Variants in NOTCH3 observed in about 807,000 individuals in gnomAD.
NOTCH3 encodes notch receptor 3.
In NOTCH3, 86 loss-of-function variants were observed where a neutral mutation model predicts 213.3. That is an observed-to-expected ratio of 0.40 (90% CI 0.34 to 0.48). NOTCH3 has a LOEUF of 0.48. NOTCH3 is among the 20% of genes least tolerant of loss of function. NOTCH3 has a pLI of 0.57. For missense variants in NOTCH3, 2,783 were observed against 3,272.6 expected, an observed-to-expected ratio of 0.85 and a Z score of 3.65; for synonymous variants, 1,354 against 1,355.9, an observed-to-expected ratio of 1.00 and a Z score of 0.03.
At chr19:15,184,220 A>C in intron 16 of NOTCH3, 75 bp downstream of exon 16, 2 of 1,399,254 alleles carry the variant, frequency 1.4e-6, no homozygotes, top group Non-Finnish European at 1.0e-6. Flanking sequence ...ATGACAGCAC[A>C]GTGCCAGGCA....
At chr19:15,196,353 C>CA (rs2046970757) in intron 2 of NOTCH3, among the ~76,000 whole-genome samples, 1 of 152,120 alleles carries the variant, frequency 6.6e-6, no homozygotes, top group South Asian at 2.1e-4. Context: ...CATCCCGCCC[C>CA]ACCTTCGCAG....
chr19:15,173,873 G>A (rs969350743), intron 25 of NOTCH3, among the ~76,000 whole-genome samples, 195 bp downstream of exon 25: 2 of 152,198 alleles, frequency 1.3e-5, no homozygotes, highest in Non-Finnish European at 2.9e-5. Flanking sequence ...CCACAAGCCA[G>A]CACTAGACCT....
intron 28 of NOTCH3, among the ~76,000 whole-genome samples, 165 bp from the exon 29 acceptor site, chr19:15,167,576 C>T (rs1219751968): frequency 7.0e-6 from 1 of 142,272 alleles, no homozygotes. Flanking sequence ...GTTTTTGAGA[C>T]AGAGTCTCGC....
At chr19:15,187,827 C>A in intron 10 of NOTCH3, 54 bp downstream of exon 10, 1 of 1,407,500 alleles carries the variant, frequency 7.1e-7, no homozygotes, top group South Asian at 1.2e-5. Flanking sequence ...TTGGCCCTGT[C>A]GCCCACAAGC....
intron 10 of NOTCH3, 45 bp downstream of exon 10, chr19:15,187,836 G>T: frequency 6.8e-7 from 1 of 1,468,678 alleles, no homozygotes; most frequent in Non-Finnish European, 9.3e-7. Context: ...TCGCCCACAA[G>T]CCCCGCCTCC....
intron 25 of NOTCH3, among the ~76,000 whole-genome samples, chr19:15,171,397 T>C (rs958176068): frequency 2.6e-5 from 4 of 152,186 alleles, no homozygotes; most frequent in African/African-American, 9.7e-5. Context: ...TCGCCCAGGC[T>C]AGAGCACAGT....
In NOTCH3 at chr19:15,168,396, T is replaced by C. The variant is rs182873863; in HGVS notation, c.5200-985A>G. Among the ~76,000 whole-genome samples, 125 of 152,244 alleles carry C rather than the reference T, an allele frequency of 8.2e-4. 4 individuals carry two copies. Among genetic ancestry groups the C allele is most frequent in the Non-Finnish European group, 1.0e-4 (7 of 68,034 alleles). On this transcript the variant is annotated intron_variant, in intron 28 of 32. Transcript: ENST00000263388. Reference sequence around the variant, plus strand: ...TAAAATATGGACAGAGGAAGGGAGTTTGTAAATTGAAGTATATGTCAATAG... The same window carrying C: ...TAAAATATGGACAGAGGAAGGGAGTCTGTAAATTGAAGTATATGTCAATAG...
chr19:15,188,414 G>A (rs2046901366), intron 8 of NOTCH3, 66 bp from the exon 9 acceptor site: 1 of 1,022,982 alleles, frequency 9.8e-7, no homozygotes, highest in African/African-American at 1.6e-5. Context: ...GTGCAAGGAA[G>A]GAGGTACTTC....
At position 15,161,285 on chromosome 19, in the gene NOTCH3, G is replaced by A. The variant is rs1200527596; in HGVS notation, c.6343C>T (p.Pro2115Ser). ...LDSPRPFGGP[P>S]ASPGGFPLEG... ...AGGGGGAAGCCACCAGGGGAAGCAG[G>A]GGGCCCACCGAAAGGCCGCGGGGAG... Residue 2115 changes from proline (P) to serine (S), a missense_variant, in exon 33 of 33, where the codon CCT becomes TCT. This residue lies in a region of NOTCH3 where 441 missense variants were observed against 432.1 expected (regional missense o/e 1.02). Transcript: ENST00000263388. 1.3e-6 allele frequency: 2 copies of A among 1,537,270 alleles called. No homozygotes were observed. The highest frequency in any genetic ancestry group is 1.7e-6 in the Non-Finnish European group (2 of 1,144,426).
At chr19:15,173,052 C>T (rs1399034178) in intron 25 of NOTCH3, among the ~76,000 whole-genome samples, 4 of 18,978 alleles carry the variant, frequency 2.1e-4, no homozygotes, top group African/African-American at 1.1e-3. Context: ...CCTCCCTCCT[C>T]CCTCTTCTTC....
In NOTCH3 at chr19:15,162,522, C is replaced by T. The variant is rs1255952346; in HGVS notation, c.5856G>A (p.Val1952=). 5 of 1,614,028 alleles carry T rather than the reference C, an allele frequency of 3.1e-6. No homozygotes were observed. The highest frequency in any genetic ancestry group is 4.2e-6 in the Non-Finnish European group (5 of 1,180,018). The change falls in exon 32 of 33, where the codon GTG becomes GTA. Residue 1952 remains valine, a synonymous_variant. Transcript: ENST00000263388. The part of the protein sequence containing the change: ...ALHWAAAVNN[V]EATLALLKNG... Reference sequence around the variant, plus strand: ...TTTTGAGCAGGGCCAAAGTGGCTTCCACGTTGTTCACAGCCGCAGCCCAGT... The same window carrying T: ...TTTTGAGCAGGGCCAAAGTGGCTTCTACGTTGTTCACAGCCGCAGCCCAGT...
intron 2 of NOTCH3, 59 bp downstream of exon 2, chr19:15,197,441 G>GGGGGGGCCCC: frequency 1.0e-5 from 8 of 768,350 alleles, no homozygotes; most frequent in Non-Finnish European, 1.6e-5. Flanking sequence ...AAGACAAATC[G>GGGGGGGCCCC]CCCCTCCCCC....
rs1383745669 is a variant in NOTCH3 at position 15,184,298 on chromosome 19, G to A, written c.2563C>T (p.Pro855Ser). ...CCAAGAGCTCCCCTGCACTCACTGG[G>A]GTCACAGTCATTGATGTCCTGATCG... is the stretch of plus-strand genomic sequence containing the variant. ...SCDQDINDCD[P>S]NPCLNGGSCQ... is the part of the protein sequence containing the mutation. Residue 855 changes from proline (P) to serine (S), a missense_variant, in exon 16 of 33, where the codon CCC becomes TCC. Physicochemically the swap from Pro to Ser is moderately conservative, Grantham distance 74. This residue lies in a region of NOTCH3 where 861 missense variants were observed against 909.1 expected (regional missense o/e 0.95). Coordinates refer to ENST00000263388, the MANE Select transcript of NOTCH3 (RefSeq NM_000435.3). 6.2e-7 allele frequency: 1 copy of A among 1,613,898 alleles called. No individual in the cohort carries two copies. The highest frequency in any genetic ancestry group is 1.1e-5 in the South Asian group (1 of 91,084).
In NOTCH3 at chr19:15,192,416, T is replaced by C; in HGVS notation, c.301A>G (p.Thr101Ala). 6.2e-7 allele frequency: 1 copy of C among 1,612,092 alleles called. No individual in the cohort carries two copies. Among genetic ancestry groups the C allele is most frequent in the Middle Eastern group, 1.7e-4 (1 of 6,058 alleles). Residue 101 changes from threonine (T) to alanine (A), a missense_variant, in exon 3 of 33, where the codon ACC becomes GCC. This residue lies in a region of NOTCH3 where 708 missense variants were observed against 906.6 expected (regional missense o/e 0.78). Coordinates refer to ENST00000263388, the MANE Select transcript of NOTCH3 (RefSeq NM_000435.3). ...GGGCACCGGCATGAGAATCGGGCGGTGCCAGCCACCACTGAACTCTGGCAG... is the reference window on the plus strand; with the variant it reads ...GGGCACCGGCATGAGAATCGGGCGGCGCCAGCCACCACTGAACTCTGGCAG... ...GVCQSSVVAG[T>A]ARFSCRCPRG...
chr19:15,165,770 G>A lies in NOTCH3; in HGVS notation c.5667+17C>T. The A allele has an allele frequency of 6.2e-7, 1 of 1,609,022 alleles. No homozygotes were observed. Among genetic ancestry groups the A allele is most frequent in the South Asian group, 1.1e-5 (1 of 91,058 alleles). On this transcript the variant is annotated intron_variant, in intron 30 of 32. Coordinates refer to ENST00000263388, the MANE Select transcript of NOTCH3 (RefSeq NM_000435.3). The surrounding 1 kb of genome is among the most constrained non-coding windows in gnomAD (Gnocchi z 4.7). ...GCCTGCCCCAGCTCTGAGGTCCAAA[G>A]TGTGTGCCTATCTCACCTGGAAGAC...
intron 2 of NOTCH3, among the ~76,000 whole-genome samples, chr19:15,195,463 C>T (rs1248785844): frequency 6.6e-6 from 1 of 151,702 alleles, no homozygotes; most frequent in South Asian, 2.1e-4. Context: ...CCTCACCCCC[C>T]TCTATCCCCC....
At position 15,175,556 on chromosome 19, in the gene NOTCH3, CAT is replaced by C. The variant is rs71168593; in HGVS notation, c.4404-1158_4404-1157del. ...TCTAAAAAAAAAAAAAAAAAAAATA[CAT>C]ATATATATATATATATGTATATATA... On this transcript the variant is annotated intron_variant, in intron 24 of 32. Transcript: ENST00000263388. 1.4e-3 allele frequency among the ~76,000 whole-genome samples: 129 copies of C among 90,218 alleles called. 1 individual carries two copies. The highest frequency in any genetic ancestry group is 4.4e-3 in the African/African-American group (95 of 21,608). The allele number at this position is 90,218 out of a possible 152,430, so 59.2% of individuals were successfully genotyped here. A position where few individuals can be genotyped will look rare whatever the true frequency, so the allele number is the denominator to read the frequency against.
Position 15,170,081 on chromosome 19 carries a change from A to G in NOTCH3, c.5199+5T>C, listed in dbSNP as rs773336032. ...AGGGGGCAAAGGTCAGAGGGGGGGCAGTACCTTTAGCCGCTTGGCCTCTGG... is the reference window on the plus strand; with the variant it reads ...AGGGGGCAAAGGTCAGAGGGGGGGCGGTACCTTTAGCCGCTTGGCCTCTGG... On this transcript the variant is annotated splice_donor_5th_base_variant and intron_variant, in intron 28 of 32. Coordinates refer to ENST00000263388, the MANE Select transcript of NOTCH3 (RefSeq NM_000435.3). 1 of 1,558,658 alleles carries G rather than the reference A, an allele frequency of 6.4e-7. No homozygotes were observed. The highest frequency in any genetic ancestry group is 2.3e-5 in the East Asian group (1 of 43,660).
intron 2 of NOTCH3, 59 bp downstream of exon 2, chr19:15,197,441 G>GCGGCCCCCCCCCCC: frequency 7.8e-6 from 6 of 768,364 alleles, no homozygotes; most frequent in African/African-American, 1.7e-5. Flanking sequence ...AAGACAAATC[G>GCGGCCCCCCCCCCC]CCCCTCCCCC....
Sources: allele counts gnomAD v4.1 joint callset (sites outside exome capture counted in the v4.1 genomes callset), GRCh38; gene constraint gnomAD v4.1.1; regional missense constraint gnomAD v4.1.1; non-coding constraint Gnocchi (gnomAD v3.1); transcripts MANE v1.5; gene names NCBI Gene and HGNC (gene_info 2026-07-23, HGNC 2026-07-21).